The following ESPNL variants were observed in gnomAD, a reference collection of about 807,000 sequenced individuals.
ESPNL encodes the protein espin like.
A neutral mutation model predicts 46.8 loss-of-function variants in ESPNL; 49 were observed. The ratio of observed to expected loss-of-function variants is 1.05; its 90% CI spans 0.83 to 1.33. The LOEUF is 1.33. ESPNL is among the 40% of genes most tolerant of loss of function. The probability of loss-of-function intolerance (pLI) is 0.00; values close to 1 mark genes in which losing one functional copy is unlikely to be tolerated. For synonymous variants in ESPNL, 664 were observed against 662.1 expected, an observed-to-expected ratio of 1.00 and a Z score of -0.04; for missense variants, 1,540 against 1,436.6, an observed-to-expected ratio of 1.07 and a Z score of -1.16.
rs779476707 is a variant in ESPNL at position 238,131,722 on chromosome 2, T to C, written c.3008T>C (p.Phe1003Ser). 1 of 1,582,114 alleles carries C rather than the reference T, an allele frequency of 6.3e-7. No individual in the cohort carries two copies. Among genetic ancestry groups the C allele is most frequent in the South Asian group, 1.1e-5 (1 of 88,884 alleles). ...WKEKEAEMFN[F>S]GE ...GAGAAGGAAGCTGAGATGTTCAACT[T>C]TGGAGAATGACCCTACTGGCAGCCT... The change falls in exon 9 of 9, where the codon TTT becomes TCT. Residue 1003 changes from phenylalanine to serine, a missense_variant. Transcript: ENST00000343063.
At chr2:238,119,248 T>C (rs375772972) in intron 5 of ESPNL, among the ~76,000 whole-genome samples, 8,052 of 94,084 alleles carry the variant, frequency 0.086, no homozygotes, top group African/African-American at 0.13. Context: ...TGGAAGAGGA[T>C]GGATGGAGGA....
chr2:238,106,814 G>T (rs1691609120), intron 3 of ESPNL, among the ~76,000 whole-genome samples: 1 of 152,118 alleles, frequency 6.6e-6, no homozygotes, highest in Non-Finnish European at 1.5e-5. Flanking sequence ...CAGGCCTCGG[G>T]GTCTCAGGGC....
At chr2:238,121,074 C>T (rs1033872369) in intron 5 of ESPNL, among the ~76,000 whole-genome samples, 6 of 152,174 alleles carry the variant, frequency 3.9e-5, no homozygotes, top group East Asian at 1.9e-4. Context: ...CCGCCCAGCT[C>T]GGGCTCTGCT....
rs747769177 is a variant in ESPNL at position 238,102,123 on chromosome 2, G to T, written c.477G>T (p.Ala159=). The T allele has an allele frequency of 1.9e-6, 3 of 1,543,324 alleles. No individual in the cohort carries two copies. Among genetic ancestry groups the T allele is most frequent in the Non-Finnish European group, 2.6e-6 (3 of 1,143,448 alleles). ...CCTGCCTCAAGCTCCTGACAGCCGC[G>T]CATGGCAGGTAAGGAGCCCAAAGTC... ...DLTCLKLLTA[A]HGSSVNRRTR... The change falls in exon 2 of 9, where the codon GCG becomes GCT. Residue 159 remains alanine, a synonymous_variant. Coordinates refer to ENST00000343063, the MANE Select transcript of ESPNL (RefSeq NM_194312.4).
Position 238,100,405 on chromosome 2 carries a change from A to T in ESPNL, c.-15A>T. The T allele has an allele frequency of 6.3e-7, 1 of 1,586,360 alleles. No homozygotes were observed. On this transcript the variant is annotated 5_prime_UTR_variant, in exon 1 of 9. Coordinates refer to ENST00000343063, the MANE Select transcript of ESPNL (RefSeq NM_194312.4). ...AGCCTGTGCATGAGTCGCCACTGAG[A>T]GCCCGGGCCAGAGGATGGAGAAGCA...
In ESPNL at chr2:238,128,736, C is replaced by G. The variant is rs574036097; in HGVS notation, c.1245C>G (p.Thr415=). ...CAGAGACGGCGCTGGCGGGGGACACCTCAGATGGCCTGGCCGCACTACAGC... is the reference window on the plus strand; with the variant it reads ...CAGAGACGGCGCTGGCGGGGGACACGTCAGATGGCCTGGCCGCACTACAGC... ...EGTETALAGD[T]SDGLAALQLD... The change falls in exon 8 of 9, where the codon ACC becomes ACG. Residue 415 remains threonine, a synonymous_variant. Coordinates refer to ENST00000343063, the MANE Select transcript of ESPNL (RefSeq NM_194312.4). The G allele has an allele frequency of 6.2e-7, 1 of 1,601,846 alleles. No homozygotes were observed. The highest frequency in any genetic ancestry group is 8.5e-7 in the Non-Finnish European group (1 of 1,175,148).
chr2:238,131,771 G>T lies in ESPNL; in HGVS notation c.*39G>T. ...CTGCTTTCCAGAATGTGGTTTGGGG[G>T]TGACTTGGAGTTTCTCTTTTCTTTT... On this transcript the variant is annotated 3_prime_UTR_variant, in exon 9 of 9. Coordinates refer to ENST00000343063, the MANE Select transcript of ESPNL (RefSeq NM_194312.4). 2 of 1,533,700 alleles carry T rather than the reference G, an allele frequency of 1.3e-6. No individual in the cohort carries two copies.
chr2:238,121,329 C>T (rs991926109), intron 5 of ESPNL, among the ~76,000 whole-genome samples: 2 of 152,236 alleles, frequency 1.3e-5, no homozygotes, highest in East Asian at 1.9e-4. Flanking sequence ...CCAGGGCTGT[C>T]CCACTCACCC....
At chr2:238,106,055 T>C (rs1348515199) in intron 3 of ESPNL, among the ~76,000 whole-genome samples, 1 of 152,166 alleles carries the variant, frequency 6.6e-6, no homozygotes, top group Non-Finnish European at 1.5e-5. Flanking sequence ...TCCTCACTCC[T>C]GCTTTCCTCC....
chr2:238,123,835 C>T (rs907055202), intron 5 of ESPNL, among the ~76,000 whole-genome samples: 4 of 152,136 alleles, frequency 2.6e-5, no homozygotes, highest in Non-Finnish European at 5.9e-5. Context: ...GCGTGGGGGC[C>T]GGGCAGATGG....
chr2:238,124,308 A>C lies in ESPNL; in HGVS notation c.988-962A>C, dbSNP rs142989835. On this transcript the variant is annotated intron_variant, in intron 5 of 8. Coordinates refer to ENST00000343063, the MANE Select transcript of ESPNL (RefSeq NM_194312.4). Reference sequence around the variant, plus strand: ...TTTGGTCTGACAGGCACAGTGGGGGAGGTGCCCAGAGGGACGGTGGCATGC... The same window carrying C: ...TTTGGTCTGACAGGCACAGTGGGGGCGGTGCCCAGAGGGACGGTGGCATGC... Among the ~76,000 whole-genome samples the C allele has an allele frequency of 3.7e-3, 557 of 152,196 alleles. 2 individuals carry two copies. The highest frequency in any genetic ancestry group is 0.012 in the African/African-American group (500 of 41,532).
intron 6 of ESPNL, 103 bp from the exon 7 acceptor site, chr2:238,127,519 C>T (rs1692166438): frequency 2.3e-5 from 33 of 1,440,146 alleles, no homozygotes; most frequent in Non-Finnish European, 2.9e-5. Flanking sequence ...GCTCGCAGAT[C>T]GTTCAGGAGG....
intron 2 of ESPNL, 110 bp downstream of exon 2, chr2:238,102,241 C>T: frequency 2.1e-6 from 2 of 970,256 alleles, no homozygotes; most frequent in Non-Finnish European, 1.5e-6. Context: ...GAGGTGAATC[C>T]TGCAGGCGGG....
intron 7 of ESPNL, 137 bp from the exon 8 acceptor site, chr2:238,128,570 C>A (rs906894130): frequency 4.2e-6 from 3 of 722,166 alleles, no homozygotes; most frequent in South Asian, 3.7e-5. Flanking sequence ...CTGTCCGTGG[C>A]CCCCACTGTC....
In ESPNL at chr2:238,132,048, T is replaced by G; in HGVS notation, c.*316T>G. On this transcript the variant is annotated 3_prime_UTR_variant, in exon 9 of 9. Transcript: ENST00000343063. ...GATGCTGCCTGTTTCTCACTTGTCCTTCCCCAGTGTCACCAGTTCCCTTGG... is the reference window on the plus strand; with the variant it reads ...GATGCTGCCTGTTTCTCACTTGTCCGTCCCCAGTGTCACCAGTTCCCTTGG... The G allele has an allele frequency of 3.6e-6, 1 of 276,940 alleles. No individual in the cohort carries two copies. The highest frequency in any genetic ancestry group is 6.8e-6 in the Non-Finnish European group (1 of 147,502). 17.2% of individuals were successfully genotyped at this position (276,940 alleles called of 1,614,324 possible). A position where few individuals can be genotyped will look rare whatever the true frequency, so the allele number is the denominator to read the frequency against.
chr2:238,112,967 A>G (rs1261713512), intron 4 of ESPNL, among the ~76,000 whole-genome samples: 1 of 152,242 alleles, frequency 6.6e-6, no homozygotes, highest in Non-Finnish European at 1.5e-5. Context: ...ACTGTTCGCT[A>G]CATGTCCATT....
At chr2:238,121,142 G>A (rs569891195) in intron 5 of ESPNL, among the ~76,000 whole-genome samples, 9 of 152,304 alleles carry the variant, frequency 5.9e-5, no homozygotes, top group South Asian at 2.1e-4. Context: ...CCCTCTCCAC[G>A]CAATGAGGGA....
chr2:238,132,748 T>G lies in ESPNL; in HGVS notation c.*1016T>G, dbSNP rs948977450. On this transcript the variant is annotated 3_prime_UTR_variant, in exon 9 of 9. Transcript: ENST00000343063. Reference sequence around the variant, plus strand: ...TAGGGTGTGGCTTGTCCCCAGCTTCTGATGGCAGCCAGGAGAATGGGTCAT... The same window carrying G: ...TAGGGTGTGGCTTGTCCCCAGCTTCGGATGGCAGCCAGGAGAATGGGTCAT... The G allele has an allele frequency of 6.6e-6, 1 of 152,340 alleles. No individual in the cohort carries two copies. The highest frequency in any genetic ancestry group is 1.5e-5 in the Non-Finnish European group (1 of 68,146). The allele number at this position is 152,340 out of a possible 1,614,324, so 9.4% of individuals were successfully genotyped here.
chr2:238,105,841 C>T (rs1691585262), intron 3 of ESPNL, among the ~76,000 whole-genome samples: 3 of 152,126 alleles, frequency 2.0e-5, no homozygotes, highest in Admixed American at 2.0e-4. Context: ...AGCTGCCTGC[C>T]CCCAGACCTC....
Sources: gnomAD v4.1 joint callset for allele counts (sites outside exome capture counted in the v4.1 genomes callset) on GRCh38, gnomAD v4.1.1 for gene constraint, MANE v1.5 for transcripts, NCBI Gene and HGNC (gene_info 2026-07-23, HGNC 2026-07-21) for gene names.